BARX2: variants seen among roughly 807,000 people sequenced by gnomAD.
The protein encoded by BARX2 is BARX homeobox 2.
In BARX2, 11 loss-of-function variants were observed where a neutral mutation model predicts 25.5. The observed-to-expected ratio is 0.43, with a 90% CI of 0.27 to 0.71. The LOEUF is 0.71. Among genes scored for constraint, BARX2 ranks in the 30% least tolerant of loss-of-function variants. The probability of loss-of-function intolerance (pLI) is 0.19; values close to 1 mark genes in which losing one functional copy is unlikely to be tolerated. For synonymous variants in BARX2, 137 were observed against 149.5 expected (o/e 0.92, Z 0.61); for missense variants, 360 against 359.9 (o/e 1.00, Z 0.00).
In BARX2 at chr11:129,382,929, G is replaced by A. The variant is rs75236521; in HGVS notation, c.187+6707G>A. Among the ~76,000 whole-genome samples, 1,046 of 152,332 alleles carry A rather than the reference G, an allele frequency of 6.9e-3. 21 individuals are homozygous for A. The highest frequency in any genetic ancestry group is 0.019 in the African/African-American group (808 of 41,574). On this transcript the variant is annotated intron_variant, in intron 1 of 3. Coordinates refer to ENST00000281437, the MANE Select transcript of BARX2 (RefSeq NM_003658.5). ...GGGCATTCGTGCAAAGACTGCAAGC[G>A]TGGAGAAGCACCTTGGGCCTGCCTG...
Position 129,411,339 on chromosome 11 carries a change from C to A in BARX2, c.188-25412C>A, listed in dbSNP as rs1861884384. On this transcript the variant is annotated intron_variant, in intron 1 of 3. Coordinates refer to ENST00000281437, the MANE Select transcript of BARX2 (RefSeq NM_003658.5). ...TGAGCTGAGATCGTGCCACTGCACT[C>A]CAGCCTGGGTGACAGAGTGAGACTC... Among the ~76,000 whole-genome samples the A allele has an allele frequency of 2.0e-5, 3 of 146,392 alleles. No individual in the cohort carries two copies. The South Asian group carries it at 6.5e-4, about 32-fold the overall frequency.
chr11:129,408,756 C>T (rs940526442), intron 1 of BARX2, among the ~76,000 whole-genome samples: 1 of 152,136 alleles, frequency 6.6e-6, no homozygotes, highest in Non-Finnish European at 1.5e-5. Flanking sequence ...GTATTTACCC[C>T]AAGTCATGAT....
chr11:129,405,099 C>T (rs1207296440), intron 1 of BARX2, among the ~76,000 whole-genome samples: 1 of 152,184 alleles, frequency 6.6e-6, no homozygotes, highest in Non-Finnish European at 1.5e-5. Flanking sequence ...CAATGATATC[C>T]AGTCCCTTTT....
intron 1 of BARX2, among the ~76,000 whole-genome samples, chr11:129,426,020 T>A (rs77152310): frequency 9.3e-5 from 14 of 150,958 alleles, no homozygotes; most frequent in Non-Finnish European, 1.6e-4. Context: ...TTTTTTTTTT[T>A]AATGAGGTAG....
chr11:129,405,571 G>A (rs757650732), intron 1 of BARX2, among the ~76,000 whole-genome samples: 38 of 152,074 alleles, frequency 2.5e-4, no homozygotes, highest in Non-Finnish European at 4.1e-4. Context: ...TTCCATAACT[G>A]ACAATATAAC....
chr11:129,395,211 T>C (rs763955719), intron 1 of BARX2, among the ~76,000 whole-genome samples: 12 of 152,196 alleles, frequency 7.9e-5, no homozygotes, highest in Non-Finnish European at 1.8e-4. Flanking sequence ...ATTTTTAAAA[T>C]GCTTTTCTCT....
chr11:129,399,084 A>G (rs1464741313), intron 1 of BARX2, among the ~76,000 whole-genome samples: 1 of 152,258 alleles, frequency 6.6e-6, no homozygotes, highest in Admixed American at 6.5e-5. Flanking sequence ...GAACATCATG[A>G]CAGACTACCT....
At chr11:129,445,959 T>C (rs1056173780) in intron 3 of BARX2, among the ~76,000 whole-genome samples, 3 of 152,158 alleles carry the variant, frequency 2.0e-5, no homozygotes, top group African/African-American at 7.2e-5. Flanking sequence ...AGTAACCTAA[T>C]TGGAACTGGA....
chr11:129,442,650 C>T (rs77834938), intron 2 of BARX2, 185 bp from the exon 3 acceptor site: 5 of 516,052 alleles, frequency 9.7e-6, no homozygotes, highest in East Asian at 4.6e-5. Flanking sequence ...TCTCAGCTTC[C>T]CAGAGTTTCC....
At chr11:129,416,847 C>T (rs889837137) in intron 1 of BARX2, among the ~76,000 whole-genome samples, 75 of 147,070 alleles carry the variant, frequency 5.1e-4, no homozygotes, top group African/African-American at 1.8e-3. Context: ...TTTGGAGTAT[C>T]GTAGGAGTAC....
intron 1 of BARX2, among the ~76,000 whole-genome samples, chr11:129,413,946 T>G (rs559843334): frequency 8.2e-4 from 124 of 151,938 alleles, no homozygotes; most frequent in African/African-American, 3.0e-3. Context: ...GGCGCCTGTA[T>G]TCCCAGCTAC....
intron 1 of BARX2, among the ~76,000 whole-genome samples, chr11:129,419,630 T>G (rs1861981482): frequency 6.6e-6 from 1 of 152,088 alleles, no homozygotes. Flanking sequence ...GAGTGTTCCT[T>G]CCTTTTGTCC....
At chr11:129,395,823 G>A (rs1185321436) in intron 1 of BARX2, among the ~76,000 whole-genome samples, 11 of 152,126 alleles carry the variant, frequency 7.2e-5, no homozygotes, top group South Asian at 4.1e-4. Context: ...CAGTTCTGCC[G>A]CTCACTGGGT....
chr11:129,436,449 T>C lies in BARX2; in HGVS notation c.188-302T>C. 1 of 360,092 alleles carries C rather than the reference T, an allele frequency of 2.8e-6. No individual in the cohort carries two copies. The highest frequency in any genetic ancestry group is 5.0e-6 in the Non-Finnish European group (1 of 201,434). 22.3% of individuals were successfully genotyped at this position (360,092 alleles called of 1,614,324 possible). ...ACTTCTTTTCATCTGCCTGGTCCCATGGACCAAGAATTTAGGGATTCCGAA... is the reference window on the plus strand; with the variant it reads ...ACTTCTTTTCATCTGCCTGGTCCCACGGACCAAGAATTTAGGGATTCCGAA... On this transcript the variant is annotated intron_variant, in intron 1 of 3. Coordinates refer to ENST00000281437, the MANE Select transcript of BARX2 (RefSeq NM_003658.5). This position sits in a 1 kb window ranked among gnomAD's most constrained non-coding sequence, Gnocchi z 4.5.
intron 1 of BARX2, among the ~76,000 whole-genome samples, chr11:129,380,910 G>A (rs1861556349): frequency 6.6e-6 from 1 of 151,754 alleles, no homozygotes; most frequent in African/African-American, 2.4e-5. Context: ...CTGAGTAGCT[G>A]GGATTACAGG....
At chr11:129,441,386 T>C (rs1479625915) in intron 2 of BARX2, among the ~76,000 whole-genome samples, 1 of 152,198 alleles carries the variant, frequency 6.6e-6, no homozygotes, top group Non-Finnish European at 1.5e-5. Context: ...CTTTACATTT[T>C]GTGGGCCATA....
At chr11:129,388,830 C>T (rs1861640515) in intron 1 of BARX2, among the ~76,000 whole-genome samples, 1 of 152,152 alleles carries the variant, frequency 6.6e-6, no homozygotes, top group African/African-American at 2.4e-5. Flanking sequence ...TGTATGAAAC[C>T]ATTTAGTGGA....
chr11:129,417,243 G>A (rs1591438658), intron 1 of BARX2, among the ~76,000 whole-genome samples: 1 of 152,266 alleles, frequency 6.6e-6, no homozygotes, highest in African/African-American at 2.4e-5. Context: ...CAGCACTCCT[G>A]TCTTCTGCCA....
chr11:129,441,291 G>A (rs779738666), intron 2 of BARX2, among the ~76,000 whole-genome samples: 1 of 152,138 alleles, frequency 6.6e-6, no homozygotes, highest in African/African-American at 2.4e-5. Flanking sequence ...GACATCGTGG[G>A]TTTGAATCCT....
Sources: gnomAD v4.1 joint callset for allele counts (sites outside exome capture counted in the v4.1 genomes callset) on GRCh38, gnomAD v4.1.1 for gene constraint, Gnocchi (gnomAD v3.1) non-coding constraint, MANE v1.5 for transcripts, NCBI Gene and HGNC (gene_info 2026-07-23, HGNC 2026-07-21) for gene names.